Variants in PARD3B observed in about 807,000 individuals in gnomAD.
PARD3B encodes partitioning defective 3 homolog B.
A neutral mutation model predicts 130.2 loss-of-function variants in PARD3B; 103 were observed. The observed-to-expected ratio is 0.79, with a 90% CI of 0.67 to 0.93. PARD3B has a LOEUF of 0.93. PARD3B is among the 40% of genes least tolerant of loss of function. The pLI is 0.00. For missense variants in PARD3B, 1,609 were observed against 1,499.2 expected, an observed-to-expected ratio of 1.07 and a Z score of -1.21; for synonymous variants, 583 against 553.2, an observed-to-expected ratio of 1.05 and a Z score of -0.76.
At chr2:205,511,606 C>A (rs1471614116) in intron 21 of PARD3B, among the ~76,000 whole-genome samples, 2 of 152,112 alleles carry the variant, frequency 1.3e-5, no homozygotes, top group African/African-American at 4.8e-5. Context: ...CCTATGAATT[C>A]CAGATTTCTT....
At chr2:204,690,321 A>C (rs1170073372) in intron 2 of PARD3B, among the ~76,000 whole-genome samples, 8 of 152,138 alleles carry the variant, frequency 5.3e-5, no homozygotes, top group Non-Finnish European at 1.5e-5. Context: ...CGCCTCAAAA[A>C]TGTCTACTCC....
intron 16 of PARD3B, among the ~76,000 whole-genome samples, chr2:205,271,174 A>AG (rs2040710818): frequency 1.3e-5 from 2 of 152,244 alleles, no homozygotes; most frequent in African/African-American, 4.8e-5. Context: ...CAAGCAGAGA[A>AG]GAAAAAAATC....
chr2:204,692,048 C>T (rs2037378989), intron 2 of PARD3B, among the ~76,000 whole-genome samples: 1 of 152,188 alleles, frequency 6.6e-6, no homozygotes, highest in South Asian at 2.1e-4. Context: ...GAACTAGTGA[C>T]CTAAAGCCAG....
Position 205,254,666 on chromosome 2 carries a change from T to TA in PARD3B, c.2185+8844_2185+8845insA, listed in dbSNP as rs1276230067. ...GATGAATTTCAGTATTTTATTTTAT[T>TA]TTATTTTTTTTTTTTGAGATGGAGT... On this transcript the variant is annotated intron_variant, in intron 16 of 22. Transcript: ENST00000406610. Among the ~76,000 whole-genome samples, 1,098 of 130,304 alleles carry TA rather than the reference T, an allele frequency of 8.4e-3. 16 individuals are homozygous for TA. The highest frequency in any genetic ancestry group is 0.033 in the African/African-American group (1,030 of 31,552). The allele number at this position is 130,304 out of a possible 152,430, so 85.5% of individuals were successfully genotyped here.
chr2:204,678,550 T>G lies in PARD3B; in HGVS notation c.121-7631T>G, dbSNP rs772411768. 6.6e-6 allele frequency among the ~76,000 whole-genome samples: 1 copy of G among 152,120 alleles called. No homozygotes were observed. Among genetic ancestry groups the G allele is most frequent in the African/African-American group, 2.4e-5 (1 of 41,406 alleles). On this transcript the variant is annotated intron_variant, in intron 1 of 22. Transcript: ENST00000406610. This position sits in a 1 kb window ranked among gnomAD's most constrained non-coding sequence, Gnocchi z 4.2. ...GATGGTGCGGGAAGAAAGTAGTCTT[T>G]CCTTGAAGCCTGGCTGACTCCAGCC...
intron 15 of PARD3B, among the ~76,000 whole-genome samples, chr2:205,243,669 T>C (rs899058794): frequency 6.6e-6 from 1 of 152,234 alleles, no homozygotes; most frequent in African/African-American, 2.4e-5. Context: ...TTGTCTTATA[T>C]TCCAGGTTTC....
chr2:205,399,608 G>C (rs1315128801), intron 18 of PARD3B, among the ~76,000 whole-genome samples: 1 of 152,122 alleles, frequency 6.6e-6, no homozygotes, highest in African/African-American at 2.4e-5. Context: ...ACCTGCCTTG[G>C]CCTCCCAAAG....
chr2:205,205,762 A>G (rs2037256924), intron 15 of PARD3B, among the ~76,000 whole-genome samples: 1 of 152,180 alleles, frequency 6.6e-6, no homozygotes, highest in South Asian at 2.1e-4. Flanking sequence ...TGATTTGCGT[A>G]TGTTGAACCA....
intron 1 of PARD3B, among the ~76,000 whole-genome samples, chr2:204,589,609 C>T (rs917577433): frequency 6.6e-6 from 1 of 152,046 alleles, no homozygotes; most frequent in Admixed American, 6.6e-5. Context: ...AGGTTCTAGG[C>T]ACTGAGAGCA....
At chr2:205,462,464 G>T (rs1348195644) in intron 20 of PARD3B, among the ~76,000 whole-genome samples, 2 of 152,112 alleles carry the variant, frequency 1.3e-5, no homozygotes, top group Non-Finnish European at 2.9e-5. Context: ...CTGAAATGAG[G>T]CTCTTAACCA....
At chr2:205,127,708 T>A (rs1372132528) in intron 10 of PARD3B, among the ~76,000 whole-genome samples, 1 of 152,170 alleles carries the variant, frequency 6.6e-6, no homozygotes, top group East Asian at 1.9e-4. Flanking sequence ...TCTGGGGAGA[T>A]CTGTAACAAA....
At position 205,176,613 on chromosome 2, in the gene PARD3B, G is replaced by C. The variant is rs111420539; in HGVS notation, c.1924+36G>C. On this transcript the variant is annotated intron_variant, in intron 13 of 22. Transcript: ENST00000406610. This position sits in a 1 kb window ranked among gnomAD's most constrained non-coding sequence, Gnocchi z 5.3. ...ATTCATTTTATCCACTGCAAATGGA[G>C]TGAGAAAACACAAAAGTGTCTTTTT... 0.015 allele frequency: 21,932 copies of C among 1,507,934 alleles called. 260 individuals are homozygous for C. The highest frequency in any genetic ancestry group is 0.016 in the Non-Finnish European group (17,702 of 1,127,718). The allele number at this position is 1,507,934 out of a possible 1,614,324, so 93.4% of individuals were successfully genotyped here.
At chr2:205,345,158 A>G (rs1574760825) in intron 18 of PARD3B, among the ~76,000 whole-genome samples, 1 of 152,330 alleles carries the variant, frequency 6.6e-6, no homozygotes, top group East Asian at 1.9e-4. Flanking sequence ...CATTTAGTAT[A>G]CATTTTATGT....
At chr2:204,862,506 C>G (rs576961366) in intron 2 of PARD3B, among the ~76,000 whole-genome samples, 1 of 152,246 alleles carries the variant, frequency 6.6e-6, no homozygotes, top group South Asian at 2.1e-4. Context: ...CCACTGGACT[C>G]CTTTGCCTTT....
At chr2:204,821,481 A>G (rs1458485836) in intron 2 of PARD3B, among the ~76,000 whole-genome samples, 1 of 145,934 alleles carries the variant, frequency 6.9e-6, no homozygotes, top group East Asian at 2.1e-4. Flanking sequence ...ATTCTCACTC[A>G]TAGGTGGGAA....
At chr2:205,327,668 T>C (rs1394379205) in intron 18 of PARD3B, among the ~76,000 whole-genome samples, 1 of 152,148 alleles carries the variant, frequency 6.6e-6, no homozygotes, top group African/African-American at 2.4e-5. Context: ...CAAACTTGGG[T>C]AACTTTAAGC....
chr2:205,356,664 G>A (rs987906447), intron 18 of PARD3B, among the ~76,000 whole-genome samples: 2 of 152,152 alleles, frequency 1.3e-5, no homozygotes, highest in East Asian at 3.8e-4. Context: ...GCCGAGATGG[G>A]CAGATTACTT....
At chr2:205,191,163 T>C (rs1035512687) in intron 14 of PARD3B, among the ~76,000 whole-genome samples, 1 of 151,590 alleles carries the variant, frequency 6.6e-6, no homozygotes, top group African/African-American at 2.4e-5. Flanking sequence ...AATCTCTTCA[T>C]TGGCAAATGC....
At chr2:205,209,462 A>G (rs1431832191) in intron 15 of PARD3B, among the ~76,000 whole-genome samples, 2 of 152,138 alleles carry the variant, frequency 1.3e-5, no homozygotes, top group Non-Finnish European at 2.9e-5. Flanking sequence ...TGCTTATTCA[A>G]AGAATGGAAC....
Sources: gnomAD v4.1 joint callset for allele counts (sites outside exome capture counted in the v4.1 genomes callset) on GRCh38, gnomAD v4.1.1 for gene constraint, Gnocchi (gnomAD v3.1) non-coding constraint, MANE v1.5 for transcripts, NCBI Gene and HGNC (gene_info 2026-07-23, HGNC 2026-07-21) for gene names.